DRICH1: variants seen among roughly 807,000 people sequenced by gnomAD.
DRICH1 encodes the protein aspartate-rich protein 1.
In DRICH1, 38 loss-of-function variants were observed where a neutral mutation model predicts 39.5. The observed-to-expected ratio is 0.96, with a 90% CI of 0.74 to 1.26. The LOEUF (loss-of-function observed/expected upper bound fraction) is 1.26, where lower values mean the gene tolerates loss of function less well. Among genes scored for constraint, DRICH1 ranks in the 50% most tolerant of loss-of-function variants. The pLI, the probability that DRICH1 is intolerant of heterozygous loss-of-function variation, is 0.00. For missense variants in DRICH1, 279 were observed against 270.4 expected, an observed-to-expected ratio of 1.03 and a Z score of -0.22; for synonymous variants, 84 against 99.5, an observed-to-expected ratio of 0.84 and a Z score of 0.93.
At chr22:23,605,286 G>T (rs555116458), downstream of DRICH1, among the ~76,000 whole-genome samples, 6 of 152,264 alleles carry the variant, frequency 3.9e-5, no homozygotes, top group African/African-American at 1.4e-4. Flanking sequence ...GAGAGGGGCC[G>T]CACCATGTCC....
At chr22:23,596,174 G>C in the DRICH1 span, among the ~76,000 whole-genome samples, 3 of 152,136 alleles carry the variant, frequency 2.0e-5, no homozygotes, top group East Asian at 1.9e-4. Flanking sequence ...TCTCTTCTGA[G>C]AGTCTGATTC....
At chr22:23,603,876 C>G (rs562328389), downstream of DRICH1, among the ~76,000 whole-genome samples, 43 of 152,302 alleles carry the variant, frequency 2.8e-4, 1 homozygote, top group South Asian at 8.7e-3. Context: ...GAGACGAAGC[C>G]AAGCCCTTGC....
chr22:23,618,458 A>T (rs1415658829), intron 6 of DRICH1, among the ~76,000 whole-genome samples: 1 of 152,084 alleles, frequency 6.6e-6, no homozygotes, highest in Non-Finnish European at 1.5e-5. Context: ...AAAATTAAAT[A>T]TTAAAATACT....
Position 23,631,802 on chromosome 22 carries a change from C to T in DRICH1, c.208+14G>A, listed in dbSNP as rs575986516. 1.3e-5 allele frequency: 21 copies of T among 1,609,374 alleles called. No homozygotes were observed. The highest frequency in any genetic ancestry group is 6.7e-5 in the African/African-American group (5 of 74,508). On this transcript the variant is annotated intron_variant, in intron 1 of 11. Coordinates refer to ENST00000317749, the MANE Select transcript of DRICH1 (RefSeq NM_016449.4). ...GGTGTGCCAGAGGGTAAACGGCACC[C>T]GTGGCTTTTTTACCTGTGGGCATCT... is the stretch of plus-strand genomic sequence containing the variant.
At chr22:23,606,052 A>G (rs1276093781), downstream of DRICH1, among the ~76,000 whole-genome samples, 1 of 151,948 alleles carries the variant, frequency 6.6e-6, no homozygotes, top group Non-Finnish European at 1.5e-5. Context: ...CCCGCCTCAA[A>G]AAAAAAAAAT....
chr22:23,611,315 A>C (rs969900696), intron 11 of DRICH1, among the ~76,000 whole-genome samples: 5 of 152,194 alleles, frequency 3.3e-5, no homozygotes, highest in African/African-American at 9.6e-5. Context: ...TCTGTCTCAA[A>C]GTGATTGTGA....
intron 11 of DRICH1, among the ~76,000 whole-genome samples, chr22:23,611,729 T>C (rs192714764): frequency 1.3e-5 from 2 of 152,264 alleles, no homozygotes; most frequent in African/African-American, 2.4e-5. Flanking sequence ...TCCCATAAGA[T>C]TATAACAAAG....
chr22:23,582,869 T>C, the DRICH1 span, among the ~76,000 whole-genome samples: 1 of 152,128 alleles, frequency 6.6e-6, no homozygotes, highest in African/African-American at 2.4e-5. Flanking sequence ...CCAATTATCA[T>C]ATTATTATTA....
downstream of DRICH1, among the ~76,000 whole-genome samples, chr22:23,606,404 C>G (rs897354830): frequency 6.6e-6 from 1 of 152,152 alleles, no homozygotes; most frequent in Non-Finnish European, 1.5e-5. Flanking sequence ...CCATGTGATG[C>G]CCCCCTTCCC....
At chr22:23,621,923 C>G (rs1289397006) in intron 4 of DRICH1, among the ~76,000 whole-genome samples, 168 bp downstream of exon 4, 1 of 151,476 alleles carries the variant, frequency 6.6e-6, no homozygotes, top group Non-Finnish European at 1.5e-5. Flanking sequence ...AAAAACAAAA[C>G]AAAACAAAAA....
intron 2 of DRICH1, 120 bp from the exon 3 acceptor site, chr22:23,625,024 A>C: frequency 2.6e-6 from 3 of 1,150,576 alleles, no homozygotes; most frequent in Non-Finnish European, 3.8e-6. Context: ...GGTTGAGTCC[A>C]TGTCAAAGAC....
chr22:23,582,558 A>ATTATTAT, the DRICH1 span, among the ~76,000 whole-genome samples: 56 of 127,318 alleles, frequency 4.4e-4, no homozygotes, highest in Non-Finnish European at 7.6e-4. Flanking sequence ...TCAGGGGCTT[A>ATTATTAT]TTATTATTAT....
chr22:23,620,752 T>G, intron 4 of DRICH1, 137 bp from the exon 5 acceptor site: 1 of 968,280 alleles, frequency 1.0e-6, no homozygotes, highest in East Asian at 2.4e-5. Context: ...AGGCCAAACA[T>G]TCTAGCATAG....
chr22:23,584,992 G>A, the DRICH1 span, among the ~76,000 whole-genome samples: 1 of 152,142 alleles, frequency 6.6e-6, no homozygotes, highest in Admixed American at 6.5e-5. Context: ...AAATTTTTAT[G>A]TGGTGGTCTC....
chr22:23,622,209 G>C (rs781675439), intron 3 of DRICH1, 33 bp from the exon 4 acceptor site: 2 of 1,597,408 alleles, frequency 1.3e-6, no homozygotes, highest in Admixed American at 1.7e-5. Flanking sequence ...TCCGTGCCCT[G>C]GTTGATTGTG....
chr22:23,611,190 G>C (rs1927014675), intron 11 of DRICH1, among the ~76,000 whole-genome samples: 1 of 152,104 alleles, frequency 6.6e-6, no homozygotes, highest in African/African-American at 2.4e-5. Flanking sequence ...TAGCACGTTA[G>C]TTTATAGGTT....
chr22:23,620,086 T>C lies in DRICH1; in HGVS notation c.406+508A>G, dbSNP rs143608646. 4.8e-4 allele frequency among the ~76,000 whole-genome samples: 73 copies of C among 152,194 alleles called. 1 individual carries two copies. Among genetic ancestry groups the C allele is most frequent in the African/African-American group, 1.7e-3 (71 of 41,526 alleles). ...AAGCAAGAAGAGGTGAACAAAAACA[T>C]AGGATACTCAAAAGCCCATAAACAT... On this transcript the variant is annotated intron_variant, in intron 5 of 11. Coordinates refer to ENST00000317749, the MANE Select transcript of DRICH1 (RefSeq NM_016449.4).
chr22:23,621,489 T>C (rs1381649029), intron 4 of DRICH1, among the ~76,000 whole-genome samples: 1 of 151,852 alleles, frequency 6.6e-6, no homozygotes, highest in East Asian at 1.9e-4. Flanking sequence ...TGTGACCTCA[T>C]AGTACTCAGC....
chr22:23,627,491 C>T (rs1928138201), intron 1 of DRICH1, among the ~76,000 whole-genome samples: 1 of 152,178 alleles, frequency 6.6e-6, no homozygotes, highest in Non-Finnish European at 1.5e-5. Flanking sequence ...ACTCCCCTCC[C>T]CTGGTGTTTT....
Sources: gnomAD v4.1 joint callset for allele counts (sites outside exome capture counted in the v4.1 genomes callset) on GRCh38, gnomAD v4.1.1 for gene constraint, MANE v1.5 for transcripts, NCBI Gene and HGNC (gene_info 2026-07-23, HGNC 2026-07-21) for gene names.